The following SPRR2G variants were observed in gnomAD, a reference collection of about 807,000 sequenced individuals.
SPRR2G encodes the protein small proline rich protein 2G.
A neutral mutation model predicts 0.7 loss-of-function variants in SPRR2G; 1 was observed. The ratio of observed to expected loss-of-function variants is 1.49; its 90% confidence interval spans 0.53 to 7.06. SPRR2G has a LOEUF of 7.06. Ranked by LOEUF, SPRR2G falls within the 30% of genes most tolerant of loss-of-function variation. SPRR2G has a pLI of 0.14. For missense variants in SPRR2G, 96 were observed against 88.5 expected, an observed-to-expected ratio of 1.09 and a Z score of -0.34; for synonymous variants, 38 against 33.9, an observed-to-expected ratio of 1.12 and a Z score of -0.42.
the SPRR2G span, among the ~76,000 whole-genome samples, chr1:153,157,568 T>G: frequency 7.2e-5 from 11 of 152,102 alleles, no homozygotes; most frequent in African/African-American, 2.7e-4. Flanking sequence ...ACCCATGATA[T>G]CATCACCACA....
chr1:153,164,789 C>T, the SPRR2G span, among the ~76,000 whole-genome samples: 3 of 152,100 alleles, frequency 2.0e-5, no homozygotes, highest in Non-Finnish European at 4.4e-5. Flanking sequence ...TTTCTGAATA[C>T]ATTTGACCCA....
At chr1:153,178,577 C>A in the SPRR2G span, among the ~76,000 whole-genome samples, 3 of 152,070 alleles carry the variant, frequency 2.0e-5, no homozygotes, top group Admixed American at 6.6e-5. Context: ...GATATAATTT[C>A]TTCCTTTATT....
the SPRR2G span, among the ~76,000 whole-genome samples, chr1:153,180,912 C>G: frequency 1.3e-5 from 2 of 152,072 alleles, no homozygotes; most frequent in Non-Finnish European, 2.9e-5. Flanking sequence ...TACAGAAATG[C>G]CCTTTCATGA....
chr1:153,167,065 C>T, the SPRR2G span, among the ~76,000 whole-genome samples: 2 of 152,198 alleles, frequency 1.3e-5, no homozygotes, highest in African/African-American at 4.8e-5. Context: ...TCCACCACCA[C>T]CATCACAGAA....
the SPRR2G span, among the ~76,000 whole-genome samples, chr1:153,199,317 C>G: frequency 0.013 from 1,995 of 152,232 alleles, 52 homozygotes; most frequent in African/African-American, 0.046. Flanking sequence ...CTTGCCAATG[C>G]CTAGGCGCTA....
the SPRR2G span, among the ~76,000 whole-genome samples, chr1:153,160,037 T>C: frequency 3.9e-5 from 6 of 152,206 alleles, no homozygotes; most frequent in Non-Finnish European, 7.3e-5. Context: ...TGAAACTTTA[T>C]ACCCACTGAA....
upstream of SPRR2G, among the ~76,000 whole-genome samples, chr1:153,154,021 T>A (rs1000300645): frequency 3.9e-5 from 6 of 152,122 alleles, no homozygotes; most frequent in African/African-American, 1.4e-4. Flanking sequence ...AGTGTTTTAA[T>A]CATGAAAAGA....
chr1:153,182,386 T>C, the SPRR2G span, among the ~76,000 whole-genome samples: 4 of 151,940 alleles, frequency 2.6e-5, no homozygotes, highest in African/African-American at 9.7e-5. Flanking sequence ...TTTTTTTTTA[T>C]TATACTTAAA....
chr1:153,179,361 G>C, the SPRR2G span, among the ~76,000 whole-genome samples: 1 of 152,178 alleles, frequency 6.6e-6, no homozygotes, highest in East Asian at 1.9e-4. Context: ...ACCATCACAG[G>C]GCTGTCAAGT....
the SPRR2G span, among the ~76,000 whole-genome samples, chr1:153,166,987 G>A: frequency 1.2e-4 from 18 of 152,144 alleles, no homozygotes; most frequent in Non-Finnish European, 2.2e-4. Context: ...AAGTTGGAAT[G>A]GAGAAGAGGG....
At chr1:153,174,108 T>C in the SPRR2G span, among the ~76,000 whole-genome samples, 1 of 152,232 alleles carries the variant, frequency 6.6e-6, no homozygotes, top group Admixed American at 6.5e-5. Context: ...ATAACCCATA[T>C]GTAAGCCAAC....
chr1:153,202,285 A>C, the SPRR2G span, among the ~76,000 whole-genome samples: 1 of 152,172 alleles, frequency 6.6e-6, no homozygotes, highest in East Asian at 1.9e-4. Flanking sequence ...CCCATGCCCG[A>C]GGACTTTTTC....
the SPRR2G span, among the ~76,000 whole-genome samples, chr1:153,178,943 T>C: frequency 6.6e-6 from 1 of 152,182 alleles, no homozygotes; most frequent in Non-Finnish European, 1.5e-5. Flanking sequence ...ATGGGTTTTA[T>C]TTCTGTAATA....
At chr1:153,195,754 G>A in the SPRR2G span, among the ~76,000 whole-genome samples, 1 of 152,042 alleles carries the variant, frequency 6.6e-6, no homozygotes, top group Non-Finnish European at 1.5e-5. Flanking sequence ...AGCCTGTTTT[G>A]AACATGCTGA....
the SPRR2G span, among the ~76,000 whole-genome samples, chr1:153,196,967 A>G: frequency 6.6e-6 from 1 of 152,114 alleles, no homozygotes; most frequent in Non-Finnish European, 1.5e-5. Context: ...CTCAGGTAAA[A>G]TGTGGACTCC....
At chr1:153,156,323 A>T in the SPRR2G span, among the ~76,000 whole-genome samples, 1 of 152,238 alleles carries the variant, frequency 6.6e-6, no homozygotes, top group African/African-American at 2.4e-5. Flanking sequence ...GGAATTACAG[A>T]TAATAGAGCC....
the SPRR2G span, among the ~76,000 whole-genome samples, chr1:153,158,506 C>T: frequency 6.6e-6 from 1 of 152,212 alleles, no homozygotes; most frequent in Non-Finnish European, 1.5e-5. Flanking sequence ...ACAGTACAGC[C>T]CCTGCAGCTG....
At chr1:153,185,339 C>CT in the SPRR2G span, among the ~76,000 whole-genome samples, 4,758 of 137,792 alleles carry the variant, frequency 0.035, 187 homozygotes, top group African/African-American at 0.1. Flanking sequence ...TGGTCCTGGG[C>CT]TTTTTTTTTT....
At chr1:153,198,359 T>C in the SPRR2G span, among the ~76,000 whole-genome samples, 2 of 152,170 alleles carry the variant, frequency 1.3e-5, no homozygotes, top group African/African-American at 2.4e-5. Context: ...GCTTTTGTTT[T>C]ATAAAATTCA....
Sources: gnomAD v4.1 joint callset for allele counts (sites outside exome capture counted in the v4.1 genomes callset) on GRCh38, gnomAD v4.1.1 for gene constraint, MANE v1.5 for transcripts, NCBI Gene and HGNC (gene_info 2026-07-23, HGNC 2026-07-21) for gene names.